FAM13B: variants seen among roughly 807,000 people sequenced by gnomAD.
FAM13B encodes the protein family with sequence similarity 13 member B.
In FAM13B, 60 loss-of-function variants were observed where a neutral mutation model predicts 117.3. The observed-to-expected ratio is 0.51, with a 90% CI of 0.42 to 0.63. The LOEUF (loss-of-function observed/expected upper bound fraction) is 0.63, where lower values mean the gene tolerates loss of function less well. FAM13B is among the 30% of genes least tolerant of loss of function. FAM13B has a pLI of 0.00. For missense variants in FAM13B, 972 were observed against 1,091.9 expected (o/e 0.89, Z 1.55); for synonymous variants, 332 against 356.1 (o/e 0.93, Z 0.76).
chr5:137,953,535 C>G, intron 15 of FAM13B, 70 bp from the exon 16 acceptor site: 1 of 1,481,006 alleles, frequency 6.8e-7, no homozygotes, highest in Admixed American at 1.8e-5. Flanking sequence ...ATTGCCCTGA[C>G]ATGGCACTAT....
chr5:137,945,999 TG>T lies in FAM13B; in HGVS notation c.2245-3del. On this transcript the variant is annotated splice_region_variant and splice_polypyrimidine_tract_variant and intron_variant, in intron 19 of 23. Transcript: ENST00000689681. ...AATGTGCCTTTCTTCCTTGGTCACC[TG>T]AAGCAAGAAAAAAAAGAAATTGTCT... is the stretch of plus-strand genomic sequence containing the variant. 6.2e-7 allele frequency: 1 copy of T among 1,606,556 alleles called. No homozygotes were observed. The highest frequency in any genetic ancestry group is 8.5e-7 in the Non-Finnish European group (1 of 1,176,358).
At position 137,962,453 on chromosome 5, in the gene FAM13B, A is replaced by G. The variant is rs766887450; in HGVS notation, c.1196T>C (p.Leu399Ser). ...ATCACCACGGTCACTGCATGGCTCTAACAATATACCTACAGACTGACAAAA... is the reference window on the plus strand; with the variant it reads ...ATCACCACGGTCACTGCATGGCTCTGACAATATACCTACAGACTGACAAAA... The part of the protein sequence containing the change: ...EENTQSVGIL[L>S]EPCSDRGDSE... Residue 399 changes from leucine (L) to serine (S), a missense_variant, in exon 11 of 24, where the codon TTA becomes TCA. Coordinates refer to ENST00000689681, the MANE Select transcript of FAM13B (RefSeq NM_001385994.1). 1.9e-6 allele frequency: 3 copies of G among 1,613,680 alleles called. No homozygotes were observed. Among genetic ancestry groups the G allele is most frequent in the Non-Finnish European group, 2.5e-6 (3 of 1,179,752 alleles).
chr5:137,948,829 T>C, intron 18 of FAM13B, 126 bp downstream of exon 18: 1 of 676,016 alleles, frequency 1.5e-6, no homozygotes, highest in South Asian at 1.8e-5. Context: ...TGTTTCTGAA[T>C]CTGCAAAGAT....
In FAM13B at chr5:137,946,342, C is replaced by CAAAAAAAAAAAAAAAAAAACAAAAAAA; in HGVS notation, c.2161-32_2161-31insTTTTTTTGTTTTTTTTTTTTTTTTTTT. Reference sequence around the variant, plus strand: ...ATTAAACAAAAAAAATAACAAAATACAAAAAAAAAAAAACAAAAACAAAAA... The same window carrying CAAAAAAAAAAAAAAAAAAACAAAAAAA: ...ATTAAACAAAAAAAATAACAAAATACAAAAAAAAAAAAAAAAAAACAAAAAAAAAAAAAAAAAAAACAAAAACAAAAA... On this transcript the variant is annotated intron_variant, in intron 18 of 23. Coordinates refer to ENST00000689681, the MANE Select transcript of FAM13B (RefSeq NM_001385994.1). The CAAAAAAAAAAAAAAAAAAACAAAAAAA allele has an allele frequency of 7.6e-6, 7 of 919,182 alleles. No individual in the cohort carries two copies. The East Asian group carries it at 9.8e-5, about 13-fold the overall frequency. The allele number at this position is 919,182 out of a possible 1,614,324, so 56.9% of individuals were successfully genotyped here. A position where few individuals can be genotyped will look rare whatever the true frequency, so the allele number is the denominator to read the frequency against.
intron 10 of FAM13B, among the ~76,000 whole-genome samples, chr5:137,968,159 T>A (rs1295783959): frequency 6.8e-6 from 1 of 147,100 alleles, no homozygotes; most frequent in Non-Finnish European, 1.5e-5. Context: ...GAGGCAGAGG[T>A]TGCAGTGAGC....
intron 1 of FAM13B, among the ~76,000 whole-genome samples, chr5:138,051,144 C>G (rs1791789012): frequency 6.6e-6 from 1 of 152,064 alleles, no homozygotes; most frequent in African/African-American, 2.4e-5. Flanking sequence ...AAAATGTACA[C>G]ACACAATTAT....
intron 13 of FAM13B, among the ~76,000 whole-genome samples, chr5:137,959,306 AGGAGAT>A (rs1163985075): frequency 1.3e-5 from 2 of 152,350 alleles, no homozygotes; most frequent in East Asian, 3.9e-4. Context: ...TCCAAAGACT[AGGAGAT>A]AGCACCTGAT....
intron 10 of FAM13B, among the ~76,000 whole-genome samples, chr5:137,970,941 G>A (rs1275540348): frequency 6.6e-6 from 1 of 151,792 alleles, no homozygotes; most frequent in East Asian, 1.9e-4. Flanking sequence ...CCCAATACAG[G>A]AGCACCCAGA....
chr5:137,962,867 T>C (rs577182775), intron 10 of FAM13B, among the ~76,000 whole-genome samples: 31 of 152,090 alleles, frequency 2.0e-4, no homozygotes, highest in African/African-American at 7.5e-4. Context: ...AGGAGTTCAC[T>C]AGATTCCTTT....
intron 1 of FAM13B, among the ~76,000 whole-genome samples, chr5:138,025,289 A>ATATATATATATATC (rs1787983926): frequency 5.1e-4 from 1 of 1,954 alleles, no homozygotes; most frequent in South Asian, 0.17. Context: ...AAACAAAGCC[A>ATATATATATATATC]TATATATATA....
chr5:138,000,387 A>G (rs1479343637), intron 7 of FAM13B, among the ~76,000 whole-genome samples: 2 of 152,144 alleles, frequency 1.3e-5, no homozygotes, highest in African/African-American at 4.8e-5. Context: ...TGACACAGCA[A>G]GACCCTGTCT....
At position 137,980,157 on chromosome 5, in the gene FAM13B, GA is replaced by G. The variant is rs561600000; in HGVS notation, c.1179+5099del. ...GACTGCACTCTAGCCGGGGCGACAA[GA>G]ATGAAACTCCGTCTCAAGAAAAAAA... On this transcript the variant is annotated intron_variant, in intron 10 of 23. Coordinates refer to ENST00000689681, the MANE Select transcript of FAM13B (RefSeq NM_001385994.1). Among the ~76,000 whole-genome samples the G allele has an allele frequency of 1.3e-4, 19 of 141,572 alleles. No individual in the cohort carries two copies. The South Asian group carries it at 4.2e-3, about 31-fold the overall frequency. The allele number at this position is 141,572 out of a possible 152,430, so 92.9% of individuals were successfully genotyped here.
chr5:138,024,632 T>C (rs193273831), intron 1 of FAM13B, among the ~76,000 whole-genome samples: 5 of 145,964 alleles, frequency 3.4e-5, no homozygotes, highest in Admixed American at 2.7e-4. Context: ...TACAAAAATA[T>C]ACCAAAAAGA....
intron 10 of FAM13B, among the ~76,000 whole-genome samples, chr5:137,974,786 G>C (rs964231206): frequency 1.3e-5 from 2 of 151,642 alleles, no homozygotes; most frequent in East Asian, 1.9e-4. Context: ...TTCTAGCCCA[G>C]GTGTTGGCAA....
At chr5:138,047,777 A>G (rs1217708337) in intron 1 of FAM13B, among the ~76,000 whole-genome samples, 1 of 152,172 alleles carries the variant, frequency 6.6e-6, no homozygotes, top group African/African-American at 2.4e-5. Flanking sequence ...GAGGCCATGA[A>G]CCAGGGAATG....
rs189152542 is a variant in FAM13B, at chr5:137,943,740, G to C, written c.2341-524C>G. Among the ~76,000 whole-genome samples, 77 of 146,272 alleles carry C rather than the reference G, an allele frequency of 5.3e-4. No homozygotes were observed. In the East Asian group the frequency reaches 0.015, roughly 28 times the overall value. ...AGCCTGGGCAACAGACCAAGACTCT[G>C]CCTCAAAAAAAAAATTCTAAATGAT... On this transcript the variant is annotated intron_variant, in intron 20 of 23. Transcript: ENST00000689681.
intron 10 of FAM13B, among the ~76,000 whole-genome samples, chr5:137,984,010 T>G (rs1776532598): frequency 6.6e-6 from 1 of 152,202 alleles, no homozygotes. Context: ...AAATTACATT[T>G]TGAATGTCTT....
chr5:138,023,133 T>A (rs1184233975), intron 1 of FAM13B, among the ~76,000 whole-genome samples: 1 of 152,184 alleles, frequency 6.6e-6, no homozygotes, highest in African/African-American at 2.4e-5. Context: ...TCTCATGACC[T>A]CTACTACCTG....
chr5:138,041,986 G>A lies in FAM13B; in HGVS notation c.-203+9892C>T, dbSNP rs1036195137. Among the ~76,000 whole-genome samples the A allele has an allele frequency of 6.6e-5, 10 of 151,854 alleles. No individual in the cohort carries two copies. The East Asian group carries it at 7.7e-4, about 12-fold the overall frequency. On this transcript the variant is annotated intron_variant, in intron 1 of 3. Transcript: ENST00000502471. ...TGAGGCAGGAGGATTTTTTGAGCCC[G>A]GAAGTTCAAGGTTACAGTGAACTAT...
Sources: gnomAD v4.1 joint callset for allele counts (sites outside exome capture counted in the v4.1 genomes callset) on GRCh38, gnomAD v4.1.1 for gene constraint, MANE v1.5 for transcripts, NCBI Gene and HGNC (gene_info 2026-07-23, HGNC 2026-07-21) for gene names.